The following AKT3 variants were observed in gnomAD, a reference collection of about 807,000 sequenced individuals.
The protein encoded by AKT3 is RAC-gamma serine/threonine-protein kinase.
In AKT3, 15 loss-of-function variants were observed where a neutral mutation model predicts 65.3. The ratio of observed to expected loss-of-function variants is 0.23; its 90% confidence interval spans 0.15 to 0.35. The LOEUF (loss-of-function observed/expected upper bound fraction) is 0.35, where lower values mean the gene tolerates loss of function less well. Among genes scored for constraint, AKT3 ranks in the 10% least tolerant of loss-of-function variants. The probability of loss-of-function intolerance (pLI) is 1.00; values close to 1 mark genes in which losing one functional copy is unlikely to be tolerated. For synonymous variants in AKT3, 206 were observed against 183.8 expected, an observed-to-expected ratio of 1.12 and a Z score of -0.98; for missense variants, 243 against 576.5, an observed-to-expected ratio of 0.42 and a Z score of 5.92.
intron 12 of AKT3, among the ~76,000 whole-genome samples, chr1:243,516,666 G>A (rs1293112194): frequency 6.6e-6 from 1 of 150,376 alleles, no homozygotes; most frequent in Non-Finnish European, 1.5e-5. Context: ...CAATCCTCCT[G>A]CCTCAGCCTC....
chr1:243,724,836 G>GA (rs995332031), intron 2 of AKT3, among the ~76,000 whole-genome samples: 11 of 151,890 alleles, frequency 7.2e-5, no homozygotes, highest in African/African-American at 2.4e-4. Context: ...GTTTCTGAGG[G>GA]AAAAAAGATG....
chr1:243,491,288 C>CA (rs964366780), intron 13 of AKT3, among the ~76,000 whole-genome samples: 5 of 152,174 alleles, frequency 3.3e-5, no homozygotes, highest in Non-Finnish European at 7.3e-5. Context: ...CCCCAAACCT[C>CA]AAAAAATCCT....
intron 2 of AKT3, among the ~76,000 whole-genome samples, chr1:243,789,771 A>G (rs993415643): frequency 6.6e-6 from 1 of 152,244 alleles, no homozygotes; most frequent in African/African-American, 2.4e-5. Context: ...TTCTTAAATA[A>G]TAAGACTTGA....
chr1:243,743,837 G>A (rs1479008021), intron 2 of AKT3, among the ~76,000 whole-genome samples: 7 of 152,134 alleles, frequency 4.6e-5, no homozygotes, highest in African/African-American at 1.7e-4. Flanking sequence ...ATAGGAAGAG[G>A]CCCATCTCTA....
chr1:243,613,765 T>G, intron 7 of AKT3, 26 bp from the exon 8 acceptor site: 1 of 1,477,882 alleles, frequency 6.8e-7, no homozygotes, highest in Non-Finnish European at 9.3e-7. Context: ...AGAAAAAATG[T>G]TACATTATAA....
rs1354064061 is a variant in AKT3 at position 243,799,120 on chromosome 1, CTCT to C, written c.46+44002_46+44004del. Among the ~76,000 whole-genome samples, 97 of 152,202 alleles carry C rather than the reference CTCT, an allele frequency of 6.4e-4. 4 individuals are homozygous for C. In the South Asian group the frequency reaches 0.02, roughly 31 times the overall value. On this transcript the variant is annotated intron_variant, in intron 2 of 13. Transcript: ENST00000673466. ...CCTCATTTATCTTTACATCCTTGAG[CTCT>C]TTATATCTTTATATACTGTGTGCTT...
chr1:243,533,546 G>A (rs1178307239), intron 12 of AKT3, among the ~76,000 whole-genome samples: 4 of 152,062 alleles, frequency 2.6e-5, no homozygotes, highest in African/African-American at 9.7e-5. Flanking sequence ...AGGGCTGGCA[G>A]TTAAAAAAAG....
intron 2 of AKT3, among the ~76,000 whole-genome samples, chr1:243,761,688 C>T (rs1689499916): frequency 6.6e-6 from 1 of 152,070 alleles, no homozygotes; most frequent in Non-Finnish European, 1.5e-5. Context: ...ACCATTTAAA[C>T]ACATTAAATG....
intron 2 of AKT3, among the ~76,000 whole-genome samples, chr1:243,707,488 TA>T (rs1310326453): frequency 6.6e-6 from 1 of 152,064 alleles, no homozygotes; most frequent in Non-Finnish European, 1.5e-5. Flanking sequence ...CAACTAACTA[TA>T]GGGCAAAAAA....
chr1:243,549,597 A>AT (rs963691986), intron 11 of AKT3, among the ~76,000 whole-genome samples: 23 of 150,524 alleles, frequency 1.5e-4, no homozygotes, highest in Admixed American at 2.7e-4. Context: ...CCAGCATTTT[A>AT]TTTTTTTTTA....
At chr1:243,821,089 G>A (rs1693828712) in intron 2 of AKT3, among the ~76,000 whole-genome samples, 1 of 152,142 alleles carries the variant, frequency 6.6e-6, no homozygotes, top group African/African-American at 2.4e-5. Flanking sequence ...AGACTTCTCA[G>A]CAGAAACCCT....
intron 6 of AKT3, among the ~76,000 whole-genome samples, chr1:243,626,867 C>G (rs913682840): frequency 3.3e-5 from 5 of 152,120 alleles, no homozygotes; most frequent in African/African-American, 1.2e-4. Context: ...GATGTTTGAC[C>G]AGGGAAAACT....
chr1:243,567,068 T>G (rs1206598756), intron 9 of AKT3, among the ~76,000 whole-genome samples: 13 of 152,126 alleles, frequency 8.5e-5, no homozygotes, highest in Non-Finnish European at 4.4e-5. Flanking sequence ...TCGCTTGAGC[T>G]CAGGAGTTCA....
At chr1:243,736,583 T>C (rs758669835) in intron 2 of AKT3, among the ~76,000 whole-genome samples, 41 of 152,180 alleles carry the variant, frequency 2.7e-4, no homozygotes, top group African/African-American at 9.4e-4. Flanking sequence ...GGTATTTTGT[T>C]CTTAAAGCTA....
intron 9 of AKT3, among the ~76,000 whole-genome samples, chr1:243,569,166 G>T (rs1674378938): frequency 6.6e-6 from 1 of 152,138 alleles, no homozygotes; most frequent in South Asian, 2.1e-4. Flanking sequence ...AAGTTTACGG[G>T]CATCCAGTGC....
chr1:243,645,393 T>C (rs78070702), intron 5 of AKT3, among the ~76,000 whole-genome samples: 8 of 152,152 alleles, frequency 5.3e-5, no homozygotes, highest in Admixed American at 5.2e-4. Context: ...GAAGGAAAAG[T>C]CTATTTCCCT....
chr1:243,656,259 A>G (rs1681782520), intron 4 of AKT3, among the ~76,000 whole-genome samples: 1 of 152,188 alleles, frequency 6.6e-6, no homozygotes, highest in African/African-American at 2.4e-5. Flanking sequence ...CAAGTACATT[A>G]ATCTTTTAAA....
intron 2 of AKT3, among the ~76,000 whole-genome samples, chr1:243,783,782 G>T (rs1454970117): frequency 6.6e-6 from 1 of 152,058 alleles, no homozygotes; most frequent in Non-Finnish European, 1.5e-5. Flanking sequence ...ATTTTCAGCA[G>T]AAAAGATCAA....
intron 3 of AKT3, among the ~76,000 whole-genome samples, chr1:243,681,861 T>G (rs1204514307): frequency 2.0e-5 from 3 of 152,132 alleles, no homozygotes; most frequent in Admixed American, 6.6e-5. Flanking sequence ...ATGTTTTTCA[T>G]GTGATGACAA....
Sources: gnomAD v4.1 joint callset for allele counts (sites outside exome capture counted in the v4.1 genomes callset) on GRCh38, gnomAD v4.1.1 for gene constraint, MANE v1.5 for transcripts, NCBI Gene and HGNC (gene_info 2026-07-23, HGNC 2026-07-21) for gene names.